The following RGS7 variants were observed in gnomAD, a reference collection of about 807,000 sequenced individuals.
The protein encoded by RGS7 is regulator of G protein signaling 7.
In RGS7, 27 loss-of-function variants were observed where a neutral mutation model predicts 81.1. The ratio of observed to expected loss-of-function variants is 0.33; its 90% confidence interval spans 0.25 to 0.46. The LOEUF (loss-of-function observed/expected upper bound fraction) is 0.46, where lower values mean the gene tolerates loss of function less well. Ranked by LOEUF, RGS7 falls within the 20% of genes least tolerant of loss-of-function variation. RGS7 has a pLI of 1.00. For synonymous variants in RGS7, 208 were observed against 207.7 expected, an observed-to-expected ratio of 1.00 and a Z score of -0.01; for missense variants, 396 against 607.4, an observed-to-expected ratio of 0.65 and a Z score of 3.66.
At chr1:241,024,578 A>C (rs1359386460) in intron 3 of RGS7, among the ~76,000 whole-genome samples, 1 of 152,112 alleles carries the variant, frequency 6.6e-6, no homozygotes, top group Non-Finnish European at 1.5e-5. Context: ...ATGTGAATTG[A>C]CTCTTTTAAA....
intron 2 of RGS7, among the ~76,000 whole-genome samples, chr1:241,207,821 A>G (rs531530000): frequency 2.1e-4 from 32 of 152,322 alleles, no homozygotes; most frequent in African/African-American, 7.5e-4. Flanking sequence ...AGAAAAAGAA[A>G]AGACTGGCTC....
chr1:240,963,594 A>C (rs1467274118), intron 4 of RGS7, among the ~76,000 whole-genome samples: 1 of 152,198 alleles, frequency 6.6e-6, no homozygotes, highest in South Asian at 2.1e-4. Context: ...TTTTGCAACA[A>C]GAAAAATATC....
chr1:240,918,475 A>G (rs1672956856), intron 6 of RGS7, among the ~76,000 whole-genome samples: 2 of 152,156 alleles, frequency 1.3e-5, no homozygotes, highest in Admixed American at 1.3e-4. Context: ...CCTAAAAATT[A>G]AACAGTACAC....
At chr1:241,199,892 T>A (rs2073370620) in intron 2 of RGS7, among the ~76,000 whole-genome samples, 1 of 152,238 alleles carries the variant, frequency 6.6e-6, no homozygotes, top group South Asian at 2.1e-4. Context: ...TACTGCCTGC[T>A]AGCTGTAGGA....
chr1:241,090,404 C>T (rs923634722), intron 3 of RGS7, among the ~76,000 whole-genome samples: 40 of 152,152 alleles, frequency 2.6e-4, no homozygotes, highest in African/African-American at 9.4e-4. Context: ...CAATGACTCT[C>T]ATCTTGGACA....
intron 6 of RGS7, among the ~76,000 whole-genome samples, chr1:240,887,377 T>C (rs10802913): frequency 0.37 from 56,317 of 151,560 alleles, 10,748 homozygotes; most frequent in East Asian, 0.5. Flanking sequence ...TGCAGGCCCC[T>C]GCCACCACGC....
chr1:240,830,540 G>A (rs982281686), intron 9 of RGS7, among the ~76,000 whole-genome samples: 30 of 152,166 alleles, frequency 2.0e-4, no homozygotes, highest in African/African-American at 4.6e-4. Flanking sequence ...GAGAAAGGCC[G>A]AGAAAACTGA....
intron 3 of RGS7, among the ~76,000 whole-genome samples, chr1:241,046,302 A>AG: frequency 5.5e-5 from 1 of 18,056 alleles, no homozygotes; most frequent in South Asian, 2.3e-3. Flanking sequence ...TTCAGCCCTG[A>AG]CCCCCCCCCC....
intron 9 of RGS7, among the ~76,000 whole-genome samples, chr1:240,840,112 G>T (rs1007285944): frequency 1.3e-5 from 2 of 151,896 alleles, no homozygotes; most frequent in South Asian, 4.2e-4. Flanking sequence ...CTCTTGCTTT[G>T]TCCTCCCTTT....
intron 9 of RGS7, among the ~76,000 whole-genome samples, chr1:240,845,147 C>T (rs1300752319): frequency 6.6e-6 from 1 of 152,180 alleles, no homozygotes; most frequent in Non-Finnish European, 1.5e-5. Flanking sequence ...CTATAGAATA[C>T]TATACCTGCT....
intron 10 of RGS7, among the ~76,000 whole-genome samples, chr1:240,816,771 A>G (rs1690870105): frequency 6.6e-6 from 1 of 152,232 alleles, no homozygotes; most frequent in South Asian, 2.1e-4. Flanking sequence ...GAGGTGGATG[A>G]AGAATAGAAT....
intron 3 of RGS7, among the ~76,000 whole-genome samples, chr1:241,098,078 C>T (rs1558714983): frequency 6.6e-6 from 1 of 152,218 alleles, no homozygotes; most frequent in Non-Finnish European, 1.5e-5. Context: ...ATCCCGAGCA[C>T]TTTCATCACA....
intron 2 of RGS7, among the ~76,000 whole-genome samples, chr1:241,270,811 C>G (rs1038988607): frequency 2.0e-5 from 3 of 149,100 alleles, no homozygotes; most frequent in Non-Finnish European, 4.4e-5. Context: ...AGGCTGGAGT[C>G]CAGTTGGCGC....
At chr1:240,866,040 A>G (rs1191981736) in intron 9 of RGS7, among the ~76,000 whole-genome samples, 1 of 152,222 alleles carries the variant, frequency 6.6e-6, no homozygotes, top group East Asian at 1.9e-4. Flanking sequence ...GCATTTCGCA[A>G]GTGCCTGAGA....
At chr1:241,154,579 T>C (rs2068980099) in intron 2 of RGS7, among the ~76,000 whole-genome samples, 1 of 152,230 alleles carries the variant, frequency 6.6e-6, no homozygotes, top group Admixed American at 6.5e-5. Flanking sequence ...ATGAATCTGC[T>C]ACTGGGTTAG....
chr1:241,245,254 C>T (rs893019606), intron 2 of RGS7, among the ~76,000 whole-genome samples: 3 of 151,936 alleles, frequency 2.0e-5, no homozygotes, highest in Admixed American at 6.6e-5. Context: ...CATGAGGATG[C>T]TTTCTTATGG....
chr1:241,276,999 T>G (rs2148377785), intron 2 of RGS7, among the ~76,000 whole-genome samples: 1 of 152,368 alleles, frequency 6.6e-6, no homozygotes, highest in Non-Finnish European at 1.5e-5. Flanking sequence ...CATCGTCAGC[T>G]TTTAAAATGC....
intron 2 of RGS7, among the ~76,000 whole-genome samples, chr1:241,354,058 A>G (rs779872548): frequency 1.7e-4 from 26 of 152,160 alleles, no homozygotes; most frequent in Non-Finnish European, 3.4e-4. Flanking sequence ...GAGGGAATAC[A>G]ATTGTTTAGC....
chr1:241,221,013 G>GAAA (rs1457397673), intron 2 of RGS7, among the ~76,000 whole-genome samples: 1 of 101,826 alleles, frequency 9.8e-6, no homozygotes, highest in African/African-American at 3.3e-5. Flanking sequence ...GAGAAAGGAA[G>GAAA]GAAGGAAGGA....
Sources: allele counts gnomAD v4.1 joint callset (sites outside exome capture counted in the v4.1 genomes callset), GRCh38; gene constraint gnomAD v4.1.1; transcripts MANE v1.5; gene names NCBI Gene and HGNC (gene_info 2026-07-23, HGNC 2026-07-21).